Variants in TTLL11 observed in about 807,000 individuals in gnomAD.
The protein encoded by TTLL11 is tubulin tyrosine ligase like 11.
In TTLL11, 42 loss-of-function variants were observed where a neutral mutation model predicts 51.7. The observed-to-expected ratio is 0.81, with a 90% confidence interval of 0.64 to 1.05. The LOEUF (loss-of-function observed/expected upper bound fraction) is 1.05, where lower values mean the gene tolerates loss of function less well. Among genes scored for constraint, TTLL11 ranks in the 50% least tolerant of loss-of-function variants. The probability of loss-of-function intolerance (pLI) is 0.00; values close to 1 mark genes in which losing one functional copy is unlikely to be tolerated. For synonymous variants in TTLL11, 381 were observed against 383.5 expected, an observed-to-expected ratio of 0.99 and a Z score of 0.08; for missense variants, 799 against 940.4, an observed-to-expected ratio of 0.85 and a Z score of 1.97.
At chr9:122,070,463 C>T (rs769931241) in intron 1 of TTLL11, among the ~76,000 whole-genome samples, 30 of 152,096 alleles carry the variant, frequency 2.0e-4, no homozygotes, top group Non-Finnish European at 4.0e-4. Context: ...CCACAGCCCT[C>T]ATCCCACCTG....
At chr9:121,825,625 C>T (rs374061522) in intron 8 of TTLL11, among the ~76,000 whole-genome samples, 7 of 152,206 alleles carry the variant, frequency 4.6e-5, no homozygotes, top group Admixed American at 3.9e-4. Flanking sequence ...GTAATGCACA[C>T]TCCAATCACC....
At chr9:121,847,015 C>A (rs1837534471) in intron 8 of TTLL11, among the ~76,000 whole-genome samples, 1 of 152,098 alleles carries the variant, frequency 6.6e-6, no homozygotes. Flanking sequence ...TCAAGGCCAT[C>A]CTGGCTAACA....
chr9:122,006,881 G>A (rs1015659065), intron 3 of TTLL11, among the ~76,000 whole-genome samples: 3 of 150,038 alleles, frequency 2.0e-5, no homozygotes, highest in Non-Finnish European at 4.4e-5. Flanking sequence ...AGCTACTCTG[G>A]AGGCTGAGGC....
chr9:121,894,346 G>T (rs767795311), intron 6 of TTLL11, among the ~76,000 whole-genome samples: 3 of 152,160 alleles, frequency 2.0e-5, no homozygotes, highest in Non-Finnish European at 2.9e-5. Flanking sequence ...CAATTCCTCA[G>T]GGATCTGGAA....
rs147565828 is a variant in TTLL11 at position 121,878,884 on chromosome 9, G to A, written c.1482-8136C>T. Among the ~76,000 whole-genome samples, 580 of 152,250 alleles carry A rather than the reference G, an allele frequency of 3.8e-3. 3 individuals carry two copies. The highest frequency in any genetic ancestry group is 0.013 in the African/African-American group (554 of 41,536). ...TAGGCCAAGGAGGGGTGCTCCAGTCGCCTCCTCCTCCCTGGGCTGTGGGGC... is the reference window on the plus strand; with the variant it reads ...TAGGCCAAGGAGGGGTGCTCCAGTCACCTCCTCCTCCCTGGGCTGTGGGGC... On this transcript the variant is annotated intron_variant, in intron 6 of 8. Coordinates refer to ENST00000321582, the MANE Select transcript of TTLL11 (RefSeq NM_001139442.2).
intron 6 of TTLL11, among the ~76,000 whole-genome samples, chr9:121,911,327 G>A (rs1283550258): frequency 6.6e-6 from 1 of 152,118 alleles, no homozygotes; most frequent in African/African-American, 2.4e-5. Flanking sequence ...AACCCAGGAC[G>A]TGGAGGTTGC....
intron 3 of TTLL11, among the ~76,000 whole-genome samples, chr9:122,018,243 G>T (rs1211419446): frequency 6.6e-6 from 1 of 151,258 alleles, no homozygotes; most frequent in East Asian, 1.9e-4. Flanking sequence ...CTCCCGAGTA[G>T]CTGGGACTAC....
intron 6 of TTLL11, among the ~76,000 whole-genome samples, chr9:121,934,166 G>A (rs34212995): frequency 0.089 from 13,546 of 152,008 alleles, 860 homozygotes; most frequent in Non-Finnish European, 0.13. Context: ...CCGGGAGGTG[G>A]AGGTTATGGT....
intron 1 of TTLL11, among the ~76,000 whole-genome samples, chr9:122,060,663 G>A (rs533335719): frequency 2.2e-4 from 33 of 152,284 alleles, no homozygotes; most frequent in African/African-American, 7.9e-4. Flanking sequence ...AAACCCATTA[G>A]TTCCAGGTCT....
At chr9:121,918,429 A>G (rs962558655) in intron 6 of TTLL11, among the ~76,000 whole-genome samples, 1 of 152,158 alleles carries the variant, frequency 6.6e-6, no homozygotes, top group African/African-American at 2.4e-5. Context: ...CCAGACTCCA[A>G]AATGATGCCA....
chr9:121,942,937 G>A (rs1434633037), intron 6 of TTLL11, among the ~76,000 whole-genome samples: 3 of 152,052 alleles, frequency 2.0e-5, no homozygotes, highest in Non-Finnish European at 2.9e-5. Context: ...GGAGCTGTTC[G>A]CTGTTCCCAC....
intron 4 of TTLL11, among the ~76,000 whole-genome samples, chr9:121,988,414 C>G (rs62574010): frequency 6.6e-6 from 1 of 151,944 alleles, no homozygotes; most frequent in African/African-American, 2.4e-5. Context: ...TCTCCCACCT[C>G]ACCTTCCCTC....
chr9:122,019,166 A>G (rs544319735), intron 3 of TTLL11, among the ~76,000 whole-genome samples: 1 of 152,268 alleles, frequency 6.6e-6, no homozygotes, highest in South Asian at 2.1e-4. Context: ...TTCTCTGCCT[A>G]AGATTCCTGC....
intron 1 of TTLL11, among the ~76,000 whole-genome samples, chr9:122,068,381 T>C (rs1295263142): frequency 6.6e-6 from 1 of 152,206 alleles, no homozygotes; most frequent in African/African-American, 2.4e-5. Flanking sequence ...GTCTACTATG[T>C]AAATTCATTA....
intron 3 of TTLL11, among the ~76,000 whole-genome samples, chr9:122,013,684 T>A (rs1301326292): frequency 6.6e-6 from 1 of 152,088 alleles, no homozygotes; most frequent in African/African-American, 2.4e-5. Flanking sequence ...GAAGCTGAGA[T>A]AAAGGAATTG....
At chr9:122,071,294 G>A (rs896334472) in intron 1 of TTLL11, among the ~76,000 whole-genome samples, 3 of 152,130 alleles carry the variant, frequency 2.0e-5, no homozygotes, top group African/African-American at 7.2e-5. Context: ...GGCCCTTCAA[G>A]CAATGAGGCC....
chr9:122,023,652 C>G (rs1187830380), intron 3 of TTLL11, among the ~76,000 whole-genome samples: 1 of 151,298 alleles, frequency 6.6e-6, no homozygotes, highest in Non-Finnish European at 1.5e-5. Flanking sequence ...AAAAATCAAC[C>G]AATGTAACTC....
chr9:121,972,986 A>G (rs1842613518), intron 6 of TTLL11, among the ~76,000 whole-genome samples: 1 of 152,198 alleles, frequency 6.6e-6, no homozygotes, highest in African/African-American at 2.4e-5. Context: ...TGCGCTCATT[A>G]GGGTCAATCT....
At chr9:122,008,276 C>T (rs1311836127) in intron 3 of TTLL11, among the ~76,000 whole-genome samples, 1 of 152,098 alleles carries the variant, frequency 6.6e-6, no homozygotes, top group African/African-American at 2.4e-5. Flanking sequence ...GGGAAACAGT[C>T]GACCAAATAA....
Sources: allele counts gnomAD v4.1 joint callset (sites outside exome capture counted in the v4.1 genomes callset), GRCh38; gene constraint gnomAD v4.1.1; transcripts MANE v1.5; gene names NCBI Gene and HGNC (gene_info 2026-07-23, HGNC 2026-07-21).